Variants in SLC22A24 observed in about 807,000 individuals in gnomAD.
The protein encoded by SLC22A24 is steroid transmembrane transporter SLC22A24.
Under a neutral mutation model 49.8 loss-of-function variants are expected in SLC22A24, and 53 were observed. The ratio of observed to expected loss-of-function variants is 1.06; its 90% CI spans 0.85 to 1.34. The LOEUF (loss-of-function observed/expected upper bound fraction) is 1.34, where lower values mean the gene tolerates loss of function less well. Among genes scored for constraint, SLC22A24 ranks in the 40% most tolerant of loss-of-function variants. The pLI is 0.00. For synonymous variants in SLC22A24, 302 were observed against 256.4 expected (o/e 1.18, Z -1.70); for missense variants, 786 against 675.9 (o/e 1.16, Z -1.81).
At chr11:63,084,669 C>A (rs1387867140) in intron 6 of SLC22A24, among the ~76,000 whole-genome samples, 1 of 152,128 alleles carries the variant, frequency 6.6e-6, no homozygotes, top group Non-Finnish European at 1.5e-5. Flanking sequence ...CAATGCCCGA[C>A]CTTTGCTTTC....
At chr11:63,121,096 A>G (rs967847731) in intron 2 of SLC22A24, among the ~76,000 whole-genome samples, 28 of 152,296 alleles carry the variant, frequency 1.8e-4, no homozygotes, top group African/African-American at 6.0e-4. Flanking sequence ...AAAACCCATA[A>G]CACTGTACAA....
chr11:63,088,146 G>A (rs2086998534), intron 6 of SLC22A24, among the ~76,000 whole-genome samples: 2 of 152,136 alleles, frequency 1.3e-5, no homozygotes, highest in Non-Finnish European at 1.5e-5. Context: ...ACCTCCCAAC[G>A]GGGTCAACAG....
chr11:63,106,124 TC>T (rs2087120161), intron 4 of SLC22A24, among the ~76,000 whole-genome samples: 1 of 138,138 alleles, frequency 7.2e-6, no homozygotes, highest in Non-Finnish European at 1.5e-5. Context: ...ATGTTCCCCT[TC>T]CTGTGTCCAT....
intron 5 of SLC22A24, among the ~76,000 whole-genome samples, chr11:63,097,290 A>C (rs1275064225): frequency 6.6e-6 from 1 of 152,228 alleles, no homozygotes; most frequent in African/African-American, 2.4e-5. Flanking sequence ...ATTTCTCAAA[A>C]GAAGATATTT....
intron 2 of SLC22A24, among the ~76,000 whole-genome samples, chr11:63,120,739 A>T (rs1194274508): frequency 6.6e-6 from 1 of 152,102 alleles, no homozygotes; most frequent in African/African-American, 2.4e-5. Context: ...CTGTTCTGTA[A>T]TTTTTGTTAC....
rs551118197 is a variant in SLC22A24 at position 63,128,227 on chromosome 11, G to C, written c.506+6438C>G. On this transcript the variant is annotated intron_variant, in intron 2 of 9. Transcript: ENST00000612278. ...GATAGGAGCTGAAGGGTCACGGTGA[G>C]AAGTGACCAGAAGACAAGAGTGTGA... Among the ~76,000 whole-genome samples the C allele has an allele frequency of 5.3e-5, 8 of 152,202 alleles. No homozygotes were observed. In the East Asian group the frequency reaches 1.5e-3, roughly 29 times the overall value.
At chr11:63,080,131 C>T (rs1045611759) in intron 9 of SLC22A24, 131 bp from the exon 10 acceptor site, 3 of 602,458 alleles carry the variant, frequency 5.0e-6, no homozygotes, top group African/African-American at 3.7e-5. Context: ...ATCCAAGATT[C>T]TCTAGATATT....
chr11:63,113,577 C>A (rs189862299), intron 4 of SLC22A24, among the ~76,000 whole-genome samples: 1 of 151,692 alleles, frequency 6.6e-6, no homozygotes, highest in Non-Finnish European at 1.5e-5. Flanking sequence ...ATGTTGAGGC[C>A]GGGCACAGTG....
chr11:63,122,514 CATTTATTT>C (rs746344212), intron 2 of SLC22A24, among the ~76,000 whole-genome samples: 2 of 152,040 alleles, frequency 1.3e-5, no homozygotes, highest in South Asian at 2.1e-4. Flanking sequence ...TGCATTTAAA[CATTTATTT>C]ATTTATTTAT....
At chr11:63,109,456 C>T (rs1590737940) in intron 4 of SLC22A24, among the ~76,000 whole-genome samples, 3 of 144,576 alleles carry the variant, frequency 2.1e-5, no homozygotes, top group African/African-American at 7.5e-5. Context: ...AGTTTACAGT[C>T]CCACCAACAG....
chr11:63,110,423 A>G (rs928768515), intron 4 of SLC22A24, among the ~76,000 whole-genome samples: 2 of 151,600 alleles, frequency 1.3e-5, no homozygotes, highest in African/African-American at 4.8e-5. Flanking sequence ...CATTGAATCT[A>G]TAAATTATCT....
At chr11:63,098,810 G>T (rs1306074482) in intron 5 of SLC22A24, among the ~76,000 whole-genome samples, 2 of 150,118 alleles carry the variant, frequency 1.3e-5, no homozygotes, top group Non-Finnish European at 3.0e-5. Flanking sequence ...GAAATTGAGA[G>T]AAAACAATAC....
In SLC22A24 at chr11:63,143,527, G is replaced by A. The variant is rs1339881294; in HGVS notation, c.253C>T (p.Pro85Ser). Reference sequence around the variant, plus strand: ...TGGATAAAGCGCTGACACTTCTGTGGCCTCAGGTTTGAGTCCAGTGGGATG... The same window carrying A: ...TGGATAAAGCGCTGACACTTCTGTGACCTCAGGTTTGAGTCCAGTGGGATG... ...ISIPLDSNLR[P>S]QKCQRFIHPQ... Residue 85 changes from proline (P) to serine (S), a missense_variant, in exon 1 of 10, where the codon CCA (proline) becomes TCA (serine). By Grantham distance (74) the Pro-to-Ser change is moderately conservative. Transcript: ENST00000612278. 1 of 1,595,746 alleles carries A rather than the reference G, an allele frequency of 6.3e-7. No homozygotes were observed. The highest frequency in any genetic ancestry group is 1.7e-5 in the Admixed American group (1 of 57,578).
chr11:63,080,085 C>T (rs2086950591), intron 9 of SLC22A24, 85 bp from the exon 10 acceptor site: 5 of 876,852 alleles, frequency 5.7e-6, no homozygotes, highest in Admixed American at 2.1e-5. Flanking sequence ...TACTGTGTGC[C>T]TGAGGACAAG....
chr11:63,090,838 A>G (rs888674225), intron 6 of SLC22A24, among the ~76,000 whole-genome samples: 1 of 152,036 alleles, frequency 6.6e-6, no homozygotes, highest in Admixed American at 6.5e-5. Flanking sequence ...GGAAAGATCT[A>G]AAACTGACAT....
Position 63,143,806 on chromosome 11 carries a change from G to A in SLC22A24, c.-27C>T, listed in dbSNP as rs986693529. The A allele has an allele frequency of 4.5e-6, 6 of 1,337,524 alleles. No individual in the cohort carries two copies. The highest frequency in any genetic ancestry group is 3.7e-5 in the Admixed American group (1 of 26,886). 82.9% of individuals were successfully genotyped at this position (1,337,524 alleles called of 1,614,324 possible). A position where few individuals can be genotyped will look rare whatever the true frequency, so the allele number is the denominator to read the frequency against. ...GAGACTGAACAGGTGATCCCCAAGA[G>A]GAAGCACAATGACTTTATGAAGAGA... On this transcript the variant is annotated 5_prime_UTR_variant, in exon 1 of 10. Coordinates refer to ENST00000612278, the MANE Select transcript of SLC22A24 (RefSeq NM_001136506.2).
At chr11:63,089,880 G>C (rs970170830) in intron 6 of SLC22A24, among the ~76,000 whole-genome samples, 8 of 151,990 alleles carry the variant, frequency 5.3e-5, no homozygotes, top group African/African-American at 1.9e-4. Context: ...AGGAGGTCGA[G>C]ACCATCCTGG....
chr11:63,123,045 T>C (rs557237085), intron 2 of SLC22A24, among the ~76,000 whole-genome samples: 30 of 152,284 alleles, frequency 2.0e-4, no homozygotes, highest in African/African-American at 7.2e-4. Context: ...TGGTATAGAA[T>C]ACTATGTGCA....
At chr11:63,135,307 A>T (rs1280319792) in intron 1 of SLC22A24, among the ~76,000 whole-genome samples, 1 of 152,212 alleles carries the variant, frequency 6.6e-6, no homozygotes, top group Non-Finnish European at 1.5e-5. Flanking sequence ...AGCTTTAAAA[A>T]TACCGATGCC....
Sources: gnomAD v4.1 joint callset for allele counts (sites outside exome capture counted in the v4.1 genomes callset) on GRCh38, gnomAD v4.1.1 for gene constraint, MANE v1.5 for transcripts, NCBI Gene and HGNC (gene_info 2026-07-23, HGNC 2026-07-21) for gene names.